The following SCFD2 variants were observed in gnomAD, a reference collection of about 807,000 sequenced individuals.
SCFD2 encodes the protein sec1 family domain-containing protein 2.
Under a neutral mutation model 58.9 loss-of-function variants are expected in SCFD2, and 54 were observed. The ratio of observed to expected loss-of-function variants is 0.92; its 90% CI spans 0.74 to 1.15. SCFD2 has a LOEUF of 1.15. Ranked by LOEUF, SCFD2 falls within the 50% of genes most tolerant of loss-of-function variation. The pLI is 0.00. For synonymous variants in SCFD2, 321 were observed against 335.9 expected, an observed-to-expected ratio of 0.96 and a Z score of 0.49; for missense variants, 805 against 836.6, an observed-to-expected ratio of 0.96 and a Z score of 0.47.
chr4:52,947,437 T>C (rs561024490), intron 5 of SCFD2, among the ~76,000 whole-genome samples: 1 of 152,346 alleles, frequency 6.6e-6, no homozygotes, highest in South Asian at 2.1e-4. Context: ...GTGAAGTGTG[T>C]ATGTATAATT....
chr4:53,054,935 T>A (rs1723282458), intron 5 of SCFD2, among the ~76,000 whole-genome samples: 1 of 152,152 alleles, frequency 6.6e-6, no homozygotes, highest in Non-Finnish European at 1.5e-5. Flanking sequence ...ATTACAGGTG[T>A]GAGCCATTGT....
chr4:53,145,217 A>C, intron 5 of SCFD2, 116 bp downstream of exon 5: 1 of 1,306,268 alleles, frequency 7.7e-7, no homozygotes, highest in Non-Finnish European at 1.1e-6. Context: ...GGCCTCATGA[A>C]ATTCCAAACA....
At chr4:52,977,656 A>G (rs1721284958) in intron 5 of SCFD2, among the ~76,000 whole-genome samples, 1 of 152,210 alleles carries the variant, frequency 6.6e-6, no homozygotes, top group Non-Finnish European at 1.5e-5. Context: ...TCAGGAACAA[A>G]GACTGAATGG....
At chr4:53,109,716 G>A (rs1367694230) in intron 5 of SCFD2, among the ~76,000 whole-genome samples, 2 of 152,006 alleles carry the variant, frequency 1.3e-5, no homozygotes, top group African/African-American at 4.8e-5. Context: ...AAGGAAATAA[G>A]AGAGGACACA....
At chr4:53,098,384 C>T (rs1012853124) in intron 5 of SCFD2, among the ~76,000 whole-genome samples, 1 of 152,170 alleles carries the variant, frequency 6.6e-6, no homozygotes, top group African/African-American at 2.4e-5. Context: ...ATTATTGCTT[C>T]AATTTCGGAG....
intron 1 of SCFD2, among the ~76,000 whole-genome samples, chr4:53,364,837 T>G (rs1734647039): frequency 6.6e-6 from 1 of 152,222 alleles, no homozygotes; most frequent in African/African-American, 2.4e-5. Flanking sequence ...AATCTTGGGC[T>G]AAAGTTGTTG....
intron 4 of SCFD2, among the ~76,000 whole-genome samples, chr4:53,202,277 T>C (rs905378663): frequency 2.0e-5 from 3 of 152,226 alleles, no homozygotes; most frequent in Admixed American, 1.3e-4. Context: ...ATTTATTTAA[T>C]AGGGAATCCT....
At chr4:53,206,183 A>C (rs1728399403) in intron 4 of SCFD2, among the ~76,000 whole-genome samples, 1 of 152,156 alleles carries the variant, frequency 6.6e-6, no homozygotes, top group South Asian at 2.1e-4. Context: ...TAATAATGTC[A>C]CTTCTTTCAA....
Position 53,201,018 on chromosome 4 carries a change from TTTA to T in SCFD2, c.1312-55439_1312-55437del, listed in dbSNP as rs1170881654. Among the ~76,000 whole-genome samples, 29 of 151,358 alleles carry T rather than the reference TTTA, an allele frequency of 1.9e-4. 1 individual carries two copies. Among genetic ancestry groups the T allele is most frequent in the Middle Eastern group, 3.4e-3 (1 of 294 alleles). Reference sequence around the variant, plus strand: ...ATTTTATTTTAATTTAATTTAATTTTTTAAAAAATTTTATTATTATTATACTTT... The same window carrying T: ...ATTTTATTTTAATTTAATTTAATTTTAAAAATTTTATTATTATTATACTTT... On this transcript the variant is annotated intron_variant, in intron 4 of 8. Coordinates refer to ENST00000401642, the MANE Select transcript of SCFD2 (RefSeq NM_152540.4).
chr4:52,991,321 GAAGT>G (rs1262473983), intron 5 of SCFD2, among the ~76,000 whole-genome samples: 1 of 152,148 alleles, frequency 6.6e-6, no homozygotes, highest in Non-Finnish European at 1.5e-5. Flanking sequence ...AAAGAAAATT[GAAGT>G]AAGTTGTCAA....
chr4:52,881,432 T>A (rs1718606601), intron 8 of SCFD2, among the ~76,000 whole-genome samples: 1 of 152,198 alleles, frequency 6.6e-6, no homozygotes, highest in African/African-American at 2.4e-5. Flanking sequence ...GGTGCTTCCA[T>A]GTTTATTGTC....
At chr4:53,170,278 T>C (rs1727142240) in intron 4 of SCFD2, among the ~76,000 whole-genome samples, 1 of 152,232 alleles carries the variant, frequency 6.6e-6, no homozygotes, top group African/African-American at 2.4e-5. Flanking sequence ...GCACCTTTAA[T>C]TGAAGACACC....
At chr4:53,163,769 C>A (rs1726923944) in intron 4 of SCFD2, among the ~76,000 whole-genome samples, 1 of 151,990 alleles carries the variant, frequency 6.6e-6, no homozygotes, top group African/African-American at 2.4e-5. Context: ...AAGAGAGAAC[C>A]AAAGAGGAAG....
intron 5 of SCFD2, among the ~76,000 whole-genome samples, chr4:52,975,997 G>A (rs984295157): frequency 7.6e-5 from 10 of 132,424 alleles, no homozygotes; most frequent in East Asian, 2.5e-4. Context: ...CACAGGAAGC[G>A]GAACATCACA....
At chr4:53,357,841 G>A (rs1490578896) in intron 1 of SCFD2, among the ~76,000 whole-genome samples, 1 of 152,152 alleles carries the variant, frequency 6.6e-6, no homozygotes, top group Non-Finnish European at 1.5e-5. Context: ...CATCTCTACT[G>A]TGCAGGACAA....
intron 4 of SCFD2, among the ~76,000 whole-genome samples, chr4:53,253,892 TA>T (rs546125555): frequency 0.04 from 4,384 of 109,630 alleles, 172 homozygotes; most frequent in African/African-American, 0.12. Flanking sequence ...AGTATAATTA[TA>T]AAAAAAAAAA....
chr4:53,120,696 G>A (rs938216074), intron 5 of SCFD2, among the ~76,000 whole-genome samples: 3 of 152,132 alleles, frequency 2.0e-5, no homozygotes, highest in Admixed American at 6.5e-5. Context: ...CTGAACCCAA[G>A]AGGACATTTT....
intron 4 of SCFD2, among the ~76,000 whole-genome samples, chr4:53,247,570 C>T (rs577492197): frequency 2.5e-4 from 38 of 152,184 alleles, no homozygotes; most frequent in Non-Finnish European, 4.1e-4. Context: ...TAAAAAATAA[C>T]AAGATCAGGC....
At chr4:53,165,934 C>G (rs1726992834) in intron 4 of SCFD2, among the ~76,000 whole-genome samples, 1 of 152,176 alleles carries the variant, frequency 6.6e-6, no homozygotes, top group Non-Finnish European at 1.5e-5. Context: ...ATATACATAA[C>G]ATAGAATTTG....
Sources: allele counts gnomAD v4.1 joint callset (sites outside exome capture counted in the v4.1 genomes callset), GRCh38; gene constraint gnomAD v4.1.1; transcripts MANE v1.5; gene names NCBI Gene and HGNC (gene_info 2026-07-23, HGNC 2026-07-21).